Variants in SF3B1 observed in about 807,000 individuals in gnomAD.
The protein encoded by SF3B1 is splicing factor 3b subunit 1.
A neutral mutation model predicts 153.8 loss-of-function variants in SF3B1; 12 were observed. That is an observed-to-expected ratio of 0.08 (90% CI 0.05 to 0.13). The LOEUF is 0.13. SF3B1 is among the 10% of genes least tolerant of loss of function. The pLI is 1.00. For synonymous variants in SF3B1, 498 were observed against 525.2 expected, an observed-to-expected ratio of 0.95 and a Z score of 0.71; for missense variants, 513 against 1,606.1, an observed-to-expected ratio of 0.32 and a Z score of 11.63.
chr2:197,432,904 G>A (rs1277933173), intron 1 of SF3B1, among the ~76,000 whole-genome samples: 2 of 152,104 alleles, frequency 1.3e-5, no homozygotes, highest in African/African-American at 4.8e-5. Context: ...TGTTTGAAAG[G>A]AATATGACAG....
chr2:197,408,168 T>C, intron 8 of SF3B1, 49 bp from the exon 9 acceptor site: 2 of 1,491,650 alleles, frequency 1.3e-6, no homozygotes, highest in Non-Finnish European at 1.8e-6. Context: ...AAGACTGTAT[T>C]ATTACATACA....
Position 197,400,999 on chromosome 2 carries a change from C to A in SF3B1, c.2497-63G>T. Reference sequence around the variant, plus strand: ...CTTTTCCAAGGAAATAAAGCAACATCATGAAAACCAAATACTCTAAATATA... The same window carrying A: ...CTTTTCCAAGGAAATAAAGCAACATAATGAAAACCAAATACTCTAAATATA... On this transcript the variant is annotated intron_variant, in intron 17 of 24. Coordinates refer to ENST00000335508, the MANE Select transcript of SF3B1 (RefSeq NM_012433.4). This position sits in a 1 kb window ranked among gnomAD's most constrained non-coding sequence, Gnocchi z 5.0. 1 of 984,624 alleles carries A rather than the reference C, an allele frequency of 1.0e-6. No homozygotes were observed. Among genetic ancestry groups the A allele is most frequent in the South Asian group, 1.5e-5 (1 of 68,388 alleles). 61.0% of individuals were successfully genotyped at this position (984,624 alleles called of 1,614,324 possible).
chr2:197,416,474 G>T (rs2085150156), intron 6 of SF3B1: 2 of 318,372 alleles, frequency 6.3e-6, no homozygotes, highest in Admixed American at 4.7e-5. Context: ...TAAGACTGAT[G>T]TCCTCATAGG....
In SF3B1 at chr2:197,421,098, A is replaced by G; in HGVS notation, c.231T>C (p.Leu77=). The G allele has an allele frequency of 1.9e-6, 3 of 1,613,582 alleles. No homozygotes were observed. The highest frequency in any genetic ancestry group is 2.5e-6 in the Non-Finnish European group (3 of 1,179,690). Reference sequence around the variant, plus strand: ...CATGATATCCTGGCTTCTTCTGACCAAGCAAACTCGTAGATGATGAATAGT... The same window carrying G: ...CATGATATCCTGGCTTCTTCTGACCGAGCAAACTCGTAGATGATGAATAGT... The part of the protein sequence containing the change: ...DDDYSSSTSL[L]GQKKPGYHAP... The change falls in exon 3 of 25, where the codon CTT becomes CTC. Residue 77 remains leucine (L), a synonymous_variant. Coordinates refer to ENST00000335508, the MANE Select transcript of SF3B1 (RefSeq NM_012433.4).
rs762568837 is a variant in SF3B1 at position 197,418,560 on chromosome 2, A to G, written c.444T>C (p.Asn148=). 1.9e-6 allele frequency: 3 copies of G among 1,613,112 alleles called. No individual in the cohort carries two copies. The East Asian group carries it at 6.7e-5, about 36-fold the overall frequency. ...DGGKTPDPKM[N]ARTYMDVMRE... ...GCATTACATCCATGTAAGTCCTAGCATTCATTTTAGGATCAGGGGTTTTCC... is the reference window on the plus strand; with the variant it reads ...GCATTACATCCATGTAAGTCCTAGCGTTCATTTTAGGATCAGGGGTTTTCC... The change falls in exon 5 of 25, where the codon AAT becomes AAC. Residue 148 remains asparagine, a synonymous_variant. Transcript: ENST00000335508.
chr2:197,398,136 TATTA>T lies in SF3B1; in HGVS notation c.3135-24_3135-21del. On this transcript the variant is annotated intron_variant, in intron 21 of 24. Coordinates refer to ENST00000335508, the MANE Select transcript of SF3B1 (RefSeq NM_012433.4). ...GCTCCCCTAATTTAAAAAATACACA[TATTA>T]ATTATTGTGACATTAAGAAAAGTTT... 1.3e-6 allele frequency: 2 copies of T among 1,571,874 alleles called. No individual in the cohort carries two copies. Among genetic ancestry groups the T allele is most frequent in the Non-Finnish European group, 1.7e-6 (2 of 1,150,148 alleles).
Position 197,402,036 on chromosome 2 carries a change from A to G in SF3B1, c.2172T>C (p.Phe724=). ...TCCATAAAGGCTTTAACACAGAATCAAAAGATTCGATACCATAAGGAGTTG... is the reference window on the plus strand; with the variant it reads ...TCCATAAAGGCTTTAACACAGAATCGAAAGATTCGATACCATAAGGAGTTG... The part of the protein sequence containing the change: ...EAATPYGIES[F]DSVLKPLWKG... The change falls in exon 15 of 25, where the codon TTT becomes TTC. Residue 724 remains phenylalanine (F), a synonymous_variant. Coordinates refer to ENST00000335508, the MANE Select transcript of SF3B1 (RefSeq NM_012433.4). This position sits in a 1 kb window ranked among gnomAD's most constrained non-coding sequence, Gnocchi z 4.6. 1 of 1,613,928 alleles carries G rather than the reference A, an allele frequency of 6.2e-7. No individual in the cohort carries two copies. The highest frequency in any genetic ancestry group is 8.5e-7 in the Non-Finnish European group (1 of 1,179,890).
At chr2:197,428,018 A>AAGTTAATTAATT (rs2085362304) in intron 1 of SF3B1, among the ~76,000 whole-genome samples, 2 of 151,364 alleles carry the variant, frequency 1.3e-5, no homozygotes, top group African/African-American at 4.9e-5. Flanking sequence ...ACTCCGTCTC[A>AAGTTAATTAATT]AATTAATTAA....
chr2:197,425,559 G>T (rs2085321038), intron 1 of SF3B1, among the ~76,000 whole-genome samples: 1 of 150,274 alleles, frequency 6.7e-6, no homozygotes, highest in African/African-American at 2.4e-5. Context: ...ATAGCATCCT[G>T]TATTTGCAAA....
intron 6 of SF3B1, 51 bp downstream of exon 6, chr2:197,416,689 AT>A (rs1189941880): frequency 1.9e-6 from 3 of 1,548,238 alleles, no homozygotes; most frequent in Non-Finnish European, 2.6e-6. Context: ...AATACAGTCC[AT>A]AACAGAAAAA....
intron 7 of SF3B1, 82 bp from the exon 8 acceptor site, chr2:197,408,663 A>C (rs1177573082): frequency 1.0e-6 from 1 of 967,554 alleles, no homozygotes; most frequent in Non-Finnish European, 1.6e-6. Flanking sequence ...GTTATACTCA[A>C]AACTATCAAG....
At chr2:197,420,935 C>A in intron 3 of SF3B1, 94 bp downstream of exon 3, 1 of 761,186 alleles carries the variant, frequency 1.3e-6, no homozygotes, top group Non-Finnish European at 2.2e-6. Context: ...TATAATTATC[C>A]TTAAAGCATC....
At chr2:197,422,745 C>T (rs1185058749) in intron 2 of SF3B1, among the ~76,000 whole-genome samples, 2 of 151,870 alleles carry the variant, frequency 1.3e-5, no homozygotes, top group Non-Finnish European at 2.9e-5. Flanking sequence ...AAAAAATTAG[C>T]CGGACTTGGT....
chr2:197,399,669 A>AAT (rs960365598), intron 20 of SF3B1, among the ~76,000 whole-genome samples: 18 of 152,104 alleles, frequency 1.2e-4, no homozygotes, highest in Middle Eastern at 3.4e-3. Context: ...TCAAGGTTTA[A>AAT]ATATATATAT....
chr2:197,418,743 T>G (rs1173679126), intron 4 of SF3B1, 155 bp from the exon 5 acceptor site: 4 of 1,454,328 alleles, frequency 2.8e-6, no homozygotes, highest in Non-Finnish European at 3.6e-6. Context: ...ATCTTACTTT[T>G]TATTGAGTTT....
rs2106004783 is a variant in SF3B1 at position 197,416,673 on chromosome 2, C to T, written c.666+68G>A. 2.2e-6 allele frequency: 3 copies of T among 1,350,726 alleles called. No individual in the cohort carries two copies. The East Asian group carries it at 7.1e-5, about 32-fold the overall frequency. The allele number at this position is 1,350,726 out of a possible 1,614,324, so 83.7% of individuals were successfully genotyped here. A position where few individuals can be genotyped will look rare whatever the true frequency, so the allele number is the denominator to read the frequency against. ...TGGTATCTTGCTATGGCAACCCAAGCAGACTAATACAGTCCATAACAGAAA... is the reference window on the plus strand; with the variant it reads ...TGGTATCTTGCTATGGCAACCCAAGTAGACTAATACAGTCCATAACAGAAA... On this transcript the variant is annotated intron_variant, in intron 6 of 24. Transcript: ENST00000335508.
intron 20 of SF3B1, chr2:197,398,905 C>T: frequency 1.9e-6 from 1 of 520,956 alleles, no homozygotes; most frequent in Non-Finnish European, 3.7e-6. Context: ...CGGCCATACA[C>T]AACAATATAA....
At chr2:197,417,049 G>T in intron 5 of SF3B1, 138 bp from the exon 6 acceptor site, 1 of 821,848 alleles carries the variant, frequency 1.2e-6, no homozygotes, top group Non-Finnish European at 1.9e-6. Flanking sequence ...TCCTTTCTAC[G>T]CTCGCTGGTT....
At chr2:197,434,609 C>G (rs1477555155) in intron 1 of SF3B1, among the ~76,000 whole-genome samples, 1 of 152,254 alleles carries the variant, frequency 6.6e-6, no homozygotes, top group Non-Finnish European at 1.5e-5. Context: ...TCTGCACAAA[C>G]TATGGGGACG....
Sources: allele counts gnomAD v4.1 joint callset (sites outside exome capture counted in the v4.1 genomes callset), GRCh38; gene constraint gnomAD v4.1.1; non-coding constraint Gnocchi (gnomAD v3.1); transcripts MANE v1.5; gene names NCBI Gene and HGNC (gene_info 2026-07-23, HGNC 2026-07-21).